The following ENTHD1 variants were observed in gnomAD, a reference collection of about 807,000 sequenced individuals.
ENTHD1 encodes the protein ENTH domain-containing protein 1.
A neutral mutation model predicts 39.1 loss-of-function variants in ENTHD1; 23 were observed. The ratio of observed to expected loss-of-function variants is 0.59; its 90% CI spans 0.42 to 0.83. The LOEUF (loss-of-function observed/expected upper bound fraction) is 0.83, where lower values mean the gene tolerates loss of function less well. ENTHD1 is among the 40% of genes least tolerant of loss of function. The probability of loss-of-function intolerance (pLI) is 0.00; values close to 1 mark genes in which losing one functional copy is unlikely to be tolerated. For missense variants in ENTHD1, 624 were observed against 705.4 expected, an observed-to-expected ratio of 0.88 and a Z score of 1.31; for synonymous variants, 230 against 258.2, an observed-to-expected ratio of 0.89 and a Z score of 1.05.
intron 2 of ENTHD1, among the ~76,000 whole-genome samples, chr22:39,872,380 T>A (rs1339854003): frequency 6.6e-6 from 1 of 152,216 alleles, no homozygotes; most frequent in Non-Finnish European, 1.5e-5. Context: ...AAGGAAGACC[T>A]CAGACATTGC....
intron 5 of ENTHD1, among the ~76,000 whole-genome samples, chr22:39,812,336 A>C (rs985438746): frequency 3.9e-5 from 6 of 152,222 alleles, no homozygotes; most frequent in Admixed American, 2.0e-4. Context: ...ACAGCATTGG[A>C]AACAGTATAT....
At chr22:39,766,019 CAAAAAAAAA>C (rs11367784) in intron 5 of ENTHD1, among the ~76,000 whole-genome samples, 27 of 48,354 alleles carry the variant, frequency 5.6e-4, no homozygotes, top group Admixed American at 2.1e-3. Flanking sequence ...CCCTCAGCTA[CAAAAAAAAA>C]AAAAAAAAAA....
intron 5 of ENTHD1, among the ~76,000 whole-genome samples, chr22:39,798,818 G>A (rs1260877289): frequency 3.9e-5 from 6 of 152,138 alleles, no homozygotes; most frequent in African/African-American, 1.4e-4. Flanking sequence ...CAGTAGCAGT[G>A]GTGGGACAAC....
At chr22:39,883,636 A>G (rs1033506202) in intron 2 of ENTHD1, among the ~76,000 whole-genome samples, 1 of 152,136 alleles carries the variant, frequency 6.6e-6, no homozygotes, top group Non-Finnish European at 1.5e-5. Flanking sequence ...AGGATCTAGT[A>G]TATAGATCAA....
chr22:39,764,358 C>T (rs1399739562), intron 6 of ENTHD1, among the ~76,000 whole-genome samples: 8 of 151,970 alleles, frequency 5.3e-5, no homozygotes, highest in African/African-American at 1.7e-4. Context: ...CACCTGTAGT[C>T]GTAGCTATTT....
At chr22:39,792,971 A>T (rs908107742) in intron 5 of ENTHD1, among the ~76,000 whole-genome samples, 2 of 152,164 alleles carry the variant, frequency 1.3e-5, no homozygotes, top group African/African-American at 4.8e-5. Context: ...GCTGGATCAT[A>T]TAGTAGGCCT....
chr22:39,882,239 A>G (rs182116725), intron 2 of ENTHD1, among the ~76,000 whole-genome samples: 31 of 152,358 alleles, frequency 2.0e-4, no homozygotes, highest in Non-Finnish European at 4.0e-4. Context: ...AATCAATAAA[A>G]TATACCATAA....
intron 6 of ENTHD1, among the ~76,000 whole-genome samples, chr22:39,753,517 G>A (rs917403088): frequency 3.9e-5 from 6 of 152,178 alleles, no homozygotes; most frequent in African/African-American, 1.4e-4. Flanking sequence ...CCTGATAGTT[G>A]AGATCCACTA....
At chr22:39,887,089 A>G (rs1019383018) in intron 2 of ENTHD1, among the ~76,000 whole-genome samples, 4 of 152,208 alleles carry the variant, frequency 2.6e-5, no homozygotes, top group Admixed American at 1.3e-4. Flanking sequence ...ATTGGAAACT[A>G]TAACCGTCCC....
chr22:39,856,265 A>G (rs1569169472), intron 3 of ENTHD1, among the ~76,000 whole-genome samples: 1 of 140,404 alleles, frequency 7.1e-6, no homozygotes, highest in African/African-American at 2.7e-5. Context: ...CAAGAGTGAA[A>G]CTTCATCTCA....
intron 5 of ENTHD1, among the ~76,000 whole-genome samples, chr22:39,767,997 A>G (rs929791404): frequency 6.6e-6 from 1 of 152,196 alleles, no homozygotes; most frequent in African/African-American, 2.4e-5. Context: ...TGAATCAAAT[A>G]CTATGACCTA....
chr22:39,885,250 A>G (rs2066370732), intron 2 of ENTHD1, among the ~76,000 whole-genome samples: 2 of 152,260 alleles, frequency 1.3e-5, no homozygotes, highest in Admixed American at 1.3e-4. Flanking sequence ...AAAGATGTTC[A>G]GCATCATTAG....
intron 6 of ENTHD1, among the ~76,000 whole-genome samples, chr22:39,759,143 C>A (rs937069809): frequency 1.3e-5 from 2 of 152,058 alleles, no homozygotes; most frequent in East Asian, 3.8e-4. Flanking sequence ...GTTGGGTAGT[C>A]CTTCCTTTTC....
At chr22:39,836,954 CTT>C (rs67640862) in intron 3 of ENTHD1, among the ~76,000 whole-genome samples, 1,536 of 152,302 alleles carry the variant, frequency 0.01, 26 homozygotes, top group African/African-American at 0.036. Flanking sequence ...AATTAAACCT[CTT>C]TTCTTTATCA....
chr22:39,808,127 A>T (rs2065658323), intron 5 of ENTHD1, among the ~76,000 whole-genome samples: 1 of 152,120 alleles, frequency 6.6e-6, no homozygotes, highest in Non-Finnish European at 1.5e-5. Flanking sequence ...ATGAAGATTA[A>T]ATGAGCTCGA....
At chr22:39,831,712 G>C (rs1161030214) in intron 4 of ENTHD1, among the ~76,000 whole-genome samples, 1 of 151,810 alleles carries the variant, frequency 6.6e-6, no homozygotes, top group Admixed American at 6.6e-5. Flanking sequence ...TGTATACCCA[G>C]CTACTTGGGA....
At chr22:39,782,367 T>A (rs1291334284) in intron 5 of ENTHD1, among the ~76,000 whole-genome samples, 2 of 152,034 alleles carry the variant, frequency 1.3e-5, no homozygotes, top group East Asian at 3.9e-4. Flanking sequence ...ATGGCTTCAC[T>A]GCTGAGTTCC....
At chr22:39,798,456 CTGGG>C (rs1179767277) in intron 5 of ENTHD1, among the ~76,000 whole-genome samples, 1 of 151,962 alleles carries the variant, frequency 6.6e-6, no homozygotes, top group East Asian at 1.9e-4. Context: ...AGCTTTGATT[CTGGG>C]TGCATGCAGT....
chr22:39,830,540 A>T (rs188279130), intron 4 of ENTHD1, among the ~76,000 whole-genome samples: 52 of 152,210 alleles, frequency 3.4e-4, no homozygotes, highest in African/African-American at 1.2e-3. Flanking sequence ...AATAATAATA[A>T]TTCCAACCTT....
Sources: gnomAD v4.1 joint callset for allele counts (sites outside exome capture counted in the v4.1 genomes callset) on GRCh38, gnomAD v4.1.1 for gene constraint, MANE v1.5 for transcripts, NCBI Gene and HGNC (gene_info 2026-07-23, HGNC 2026-07-21) for gene names.